The following SMPD4 variants were observed in gnomAD, a reference collection of about 807,000 sequenced individuals.
SMPD4 encodes sphingomyelin phosphodiesterase 4.
In SMPD4, 58 loss-of-function variants were observed where a neutral mutation model predicts 97.8. That is an observed-to-expected ratio of 0.59 (90% CI 0.48 to 0.74). SMPD4 has a LOEUF of 0.74. Among genes scored for constraint, SMPD4 ranks in the 30% least tolerant of loss-of-function variants. The probability of loss-of-function intolerance (pLI) is 0.00; values close to 1 mark genes in which losing one functional copy is unlikely to be tolerated. For synonymous variants in SMPD4, 388 were observed against 450.0 expected, an observed-to-expected ratio of 0.86 and a Z score of 1.74; for missense variants, 853 against 1,080.5, an observed-to-expected ratio of 0.79 and a Z score of 2.95.
rs1168402303 is a variant in SMPD4, at chr2:130,163,816, G to A, written c.864+558C>T. Among the ~76,000 whole-genome samples the A allele has an allele frequency of 2.0e-5, 3 of 152,228 alleles. No individual in the cohort carries two copies. The South Asian group carries it at 6.2e-4, about 32-fold the overall frequency. ...ATCTGAAAGCAGCGTGCTGCCCAGA[G>A]AGAGAGAGCAGGGACAGGCGAGGCG... On this transcript the variant is annotated intron_variant, in intron 10 of 19. Transcript: ENST00000680298.
chr2:130,164,493 G>C (rs775589601), intron 9 of SMPD4, 48 bp from the exon 10 acceptor site: 9 of 1,498,888 alleles, frequency 6.0e-6, no homozygotes, highest in African/African-American at 1.4e-5. Flanking sequence ...AATGGTGTCA[G>C]ACCATCCAGT....
chr2:130,175,307 C>T (rs1228210315), intron 2 of SMPD4, among the ~76,000 whole-genome samples: 2 of 152,162 alleles, frequency 1.3e-5, no homozygotes, highest in Non-Finnish European at 2.9e-5. Context: ...GTCCCAGAGT[C>T]AGCCCCACAG....
At position 130,173,013 on chromosome 2, in the gene SMPD4, G is replaced by C. The variant is rs182627102; in HGVS notation, c.346-118C>G. 1.3e-3 allele frequency: 1,768 copies of C among 1,396,320 alleles called. 15 individuals carry two copies. In the African/African-American group the frequency reaches 0.022, roughly 17 times the overall value. The allele number at this position is 1,396,320 out of a possible 1,614,324, so 86.5% of individuals were successfully genotyped here. A position where few individuals can be genotyped will look rare whatever the true frequency, so the allele number is the denominator to read the frequency against. On this transcript the variant is annotated intron_variant, in intron 5 of 19. Transcript: ENST00000680298. ...CTGCTGGGGAAGAGACCCACACACA[G>C]AACCCACCTGTGGGGACAGTGCCCT...
rs774285807 is a variant in SMPD4 at position 130,172,899 on chromosome 2, CAG to C, written c.346-6_346-5del. ...GGATGGACGCCTTCACAGGACCCTG[CAG>C]AGAGAGGCAGTGAGGCTTGTGGGCA... On this transcript the variant is annotated splice_region_variant and splice_polypyrimidine_tract_variant and intron_variant, in intron 5 of 19. Coordinates refer to ENST00000680298, the MANE Select transcript of SMPD4 (RefSeq NM_017951.5). The C allele has an allele frequency of 4.9e-5, 78 of 1,607,274 alleles. No homozygotes were observed. The East Asian group carries it at 8.8e-4, about 18-fold the overall frequency.
chr2:130,155,090 A>T lies in SMPD4; in HGVS notation c.1453+6T>A. 6.2e-7 allele frequency: 1 copy of T among 1,614,080 alleles called. No homozygotes were observed. The highest frequency in any genetic ancestry group is 1.6e-4 in the Middle Eastern group (1 of 6,062). Reference sequence around the variant, plus strand: ...TATACCGGGCTGGCCCAGGCTGAGGACTTACCTTTCTGAATCATCTCAGCC... The same window carrying T: ...TATACCGGGCTGGCCCAGGCTGAGGTCTTACCTTTCTGAATCATCTCAGCC... On this transcript the variant is annotated splice_donor_region_variant and intron_variant, in intron 15 of 19. Transcript: ENST00000680298.
chr2:130,181,490 G>A, intron 1 of SMPD4, 40 bp downstream of exon 1: 1 of 1,570,708 alleles, frequency 6.4e-7, no homozygotes. Context: ...AAGCCCCCAG[G>A]GCGCCGGACC....
At chr2:130,163,114 G>A (rs1687585618) in intron 10 of SMPD4, among the ~76,000 whole-genome samples, 1 of 152,222 alleles carries the variant, frequency 6.6e-6, no homozygotes, top group Non-Finnish European at 1.5e-5. Flanking sequence ...AACACAATGC[G>A]GTGCAGTGGC....
At chr2:130,180,707 G>A (rs1689490406) in intron 1 of SMPD4, among the ~76,000 whole-genome samples, 1 of 152,220 alleles carries the variant, frequency 6.6e-6, no homozygotes, top group Non-Finnish European at 1.5e-5. Context: ...TAAGTGCGGA[G>A]CTCTAGAGAC....
At chr2:130,155,472 C>T (rs912497778) in intron 14 of SMPD4, among the ~76,000 whole-genome samples, 7 of 152,130 alleles carry the variant, frequency 4.6e-5, no homozygotes, top group Non-Finnish European at 1.0e-4. Flanking sequence ...CTGAGGATGC[C>T]ACATCCTTAG....
intron 18 of SMPD4, 25 bp downstream of exon 18, chr2:130,153,294 C>G (rs200458140): frequency 6.2e-6 from 10 of 1,613,260 alleles, no homozygotes; most frequent in Non-Finnish European, 8.5e-6. Flanking sequence ...CCAGCCTGTG[C>G]GCCTCTGAGA....
intron 8 of SMPD4, among the ~76,000 whole-genome samples, chr2:130,171,449 TAAAAC>T (rs1355764711): frequency 6.6e-6 from 1 of 151,982 alleles, no homozygotes; most frequent in Non-Finnish European, 1.5e-5. Context: ...CCCAAAAAGT[TAAAAC>T]AAGCAAAAAA....
rs1490395495 is a variant in SMPD4, at chr2:130,154,695, T to C, written c.1454-213A>G. On this transcript the variant is annotated intron_variant, in intron 15 of 19. Transcript: ENST00000680298. ...TGCTGGCTCACAGAGCCCCTAGCAG[T>C]GTCTGCAGGAGGTAAACAACAGGAG... The C allele has an allele frequency of 8.0e-6, 5 of 622,538 alleles. No individual in the cohort carries two copies. The South Asian group carries it at 9.3e-5, about 12-fold the overall frequency. 38.6% of individuals were successfully genotyped at this position (622,538 alleles called of 1,614,324 possible).
chr2:130,156,389 G>A (rs1686803308), intron 13 of SMPD4, 196 bp downstream of exon 13: 2 of 672,906 alleles, frequency 3.0e-6, no homozygotes, highest in African/African-American at 3.6e-5. Flanking sequence ...GCACCAGACA[G>A]GTGGGACAGG....
rs528689139 is a variant in SMPD4 at position 130,172,372 on chromosome 2, C to A, written c.636G>T (p.Gly212=). Residue 212 remains glycine (G), a synonymous_variant, in exon 8 of 20, where the codon GGG becomes GGT. Transcript: ENST00000680298. ...VPPPLSSSPG[G]TSPSPPPRTP... is the part of the protein sequence containing the mutation. ...ACCTGGGAGGTGGTGAGGGGCTGGT[C>A]CCCCCTGGGCTGGAGGAGAGTGGTG... The A allele has an allele frequency of 6.9e-6, 11 of 1,598,536 alleles. No homozygotes were observed. In the African/African-American group the frequency reaches 1.5e-4, roughly 21 times the overall value.
chr2:130,157,248 C>T lies in SMPD4; in HGVS notation c.1097+3G>A, dbSNP rs1307207959. On this transcript the variant is annotated splice_donor_region_variant and intron_variant, in intron 12 of 19. Coordinates refer to ENST00000680298, the MANE Select transcript of SMPD4 (RefSeq NM_017951.5). Reference sequence around the variant, plus strand: ...GTGGTGGGAAGCCGCAAGGGCCACCCACCGTTTGAACTCCTCCAGGGGGCT... The same window carrying T: ...GTGGTGGGAAGCCGCAAGGGCCACCTACCGTTTGAACTCCTCCAGGGGGCT... 1 of 1,543,954 alleles carries T rather than the reference C, an allele frequency of 6.5e-7. No homozygotes were observed. Among genetic ancestry groups the T allele is most frequent in the Non-Finnish European group, 8.7e-7 (1 of 1,143,118 alleles).
At chr2:130,177,420 G>A (rs886351309) in intron 1 of SMPD4, among the ~76,000 whole-genome samples, 10 of 152,062 alleles carry the variant, frequency 6.6e-5, no homozygotes, top group Admixed American at 1.3e-4. Flanking sequence ...GTTCTCAGCC[G>A]GGCATGGTGG....
chr2:130,179,048 G>A (rs1689238773), intron 1 of SMPD4, among the ~76,000 whole-genome samples: 1 of 152,130 alleles, frequency 6.6e-6, no homozygotes, highest in Admixed American at 6.5e-5. Context: ...AGGCCATGTA[G>A]GCAGCTGTAG....
intron 2 of SMPD4, among the ~76,000 whole-genome samples, chr2:130,175,436 A>G (rs1295638808): frequency 1.3e-5 from 2 of 152,184 alleles, no homozygotes; most frequent in African/African-American, 4.8e-5. Flanking sequence ...CACCATTGTG[A>G]TCATCAGTAA....
chr2:130,175,391 C>G (rs1050799605), intron 2 of SMPD4, among the ~76,000 whole-genome samples: 13 of 152,116 alleles, frequency 8.5e-5, no homozygotes, highest in African/African-American at 2.7e-4. Context: ...TACGCATCAA[C>G]TGGAAATTTC....
Sources: gnomAD v4.1 joint callset for allele counts (sites outside exome capture counted in the v4.1 genomes callset) on GRCh38, gnomAD v4.1.1 for gene constraint, MANE v1.5 for transcripts, NCBI Gene and HGNC (gene_info 2026-07-23, HGNC 2026-07-21) for gene names.